Variants in KLHL29 observed in about 807,000 individuals in gnomAD.
KLHL29 encodes kelch-like protein 29.
In KLHL29, 21 loss-of-function variants were observed where a neutral mutation model predicts 80.4. The ratio of observed to expected loss-of-function variants is 0.26; its 90% confidence interval spans 0.19 to 0.38. The LOEUF is 0.38. KLHL29 is among the 10% of genes least tolerant of loss of function. KLHL29 has a pLI of 1.00. For missense variants in KLHL29, 867 were observed against 1,223.9 expected, an observed-to-expected ratio of 0.71 and a Z score of 4.35; for synonymous variants, 511 against 526.8, an observed-to-expected ratio of 0.97 and a Z score of 0.41.
chr2:23,413,850 C>A (rs2577741), intron 1 of KLHL29, among the ~76,000 whole-genome samples: 1 of 152,162 alleles, frequency 6.6e-6, no homozygotes, highest in Non-Finnish European at 1.5e-5. Flanking sequence ...CCCACGGGTG[C>A]GGTGGGAGGC....
chr2:23,597,383 GTATATA>G (rs1558402790), intron 3 of KLHL29, among the ~76,000 whole-genome samples: 267 of 23,560 alleles, frequency 0.011, 4 homozygotes, highest in Middle Eastern at 0.05. Context: ...GTGTGTGTGT[GTATATA>G]TATATATATA....
Position 23,460,696 on chromosome 2 carries a change from C to T in KLHL29, c.-153-14864C>T, listed in dbSNP as rs188600468. ...AGGCATGGAGCCGTGAAGGGAGCAT[C>T]GTGCAAACTCAGGAGCTTCCCGTGA... On this transcript the variant is annotated intron_variant, in intron 1 of 13. Coordinates refer to ENST00000486442, the MANE Select transcript of KLHL29 (RefSeq NM_052920.2). 2.7e-4 allele frequency among the ~76,000 whole-genome samples: 41 copies of T among 151,836 alleles called. 1 individual carries two copies. The highest frequency in any genetic ancestry group is 7.9e-4 in the Admixed American group (12 of 15,258).
intron 5 of KLHL29, among the ~76,000 whole-genome samples, chr2:23,665,397 C>A (rs1558430589): frequency 6.6e-6 from 1 of 152,192 alleles, no homozygotes; most frequent in Admixed American, 6.5e-5. Flanking sequence ...CAATGGGACA[C>A]TAGTCATTCA....
chr2:23,532,288 T>G (rs1666513771), intron 2 of KLHL29, among the ~76,000 whole-genome samples: 1 of 152,204 alleles, frequency 6.6e-6, no homozygotes, highest in African/African-American at 2.4e-5. Context: ...AAAACAAATT[T>G]AAAACTCTAT....
chr2:23,578,651 C>T (rs1667900782), intron 3 of KLHL29, among the ~76,000 whole-genome samples: 2 of 152,184 alleles, frequency 1.3e-5, no homozygotes, highest in Non-Finnish European at 2.9e-5. Flanking sequence ...TGGCACCTCC[C>T]GCTTGCCTGT....
intron 1 of KLHL29, among the ~76,000 whole-genome samples, chr2:23,426,097 T>C (rs561167827): frequency 6.6e-6 from 1 of 152,054 alleles, no homozygotes; most frequent in African/African-American, 2.4e-5. Flanking sequence ...GGCCTCAGGG[T>C]CATGGGAAAG....
intron 1 of KLHL29, among the ~76,000 whole-genome samples, chr2:23,388,886 C>T (rs1199723558): frequency 2.0e-5 from 3 of 151,160 alleles, no homozygotes; most frequent in Non-Finnish European, 4.4e-5. Context: ...AAAGCTTTCT[C>T]ACTTTTTGGC....
At chr2:23,414,419 G>A (rs1037988009) in intron 1 of KLHL29, among the ~76,000 whole-genome samples, 17 of 152,216 alleles carry the variant, frequency 1.1e-4, no homozygotes, top group Admixed American at 9.2e-4. Context: ...AAAGGAAATT[G>A]TTAAAAGCAA....
At chr2:23,434,953 G>A (rs951075309) in intron 1 of KLHL29, among the ~76,000 whole-genome samples, 3 of 152,202 alleles carry the variant, frequency 2.0e-5, no homozygotes, top group Admixed American at 6.5e-5. Flanking sequence ...GGGAAGAAGG[G>A]TTGGGCTGAG....
chr2:23,433,515 G>C (rs1469856379), intron 1 of KLHL29, among the ~76,000 whole-genome samples: 1 of 121,426 alleles, frequency 8.2e-6, no homozygotes, highest in Non-Finnish European at 1.7e-5. Context: ...ATTGGTCTGG[G>C]GACAAAGTAC....
At chr2:23,420,981 C>T (rs143145958) in intron 1 of KLHL29, among the ~76,000 whole-genome samples, 265 of 152,296 alleles carry the variant, frequency 1.7e-3, no homozygotes, top group Middle Eastern at 0.01. Context: ...CCTGGCCAGG[C>T]GCCAGGCCAG....
intron 1 of KLHL29, among the ~76,000 whole-genome samples, chr2:23,474,717 C>G (rs1031990424): frequency 6.6e-6 from 1 of 152,122 alleles, no homozygotes; most frequent in East Asian, 1.9e-4. Context: ...AATGAGTTTA[C>G]AATAACTTAT....
intron 3 of KLHL29, among the ~76,000 whole-genome samples, chr2:23,575,017 G>T (rs1416576746): frequency 2.0e-5 from 3 of 152,120 alleles, no homozygotes; most frequent in African/African-American, 4.8e-5. Flanking sequence ...CACGGCTGAG[G>T]ACCCCCATCA....
chr2:23,629,413 G>A (rs1669412978), intron 3 of KLHL29, among the ~76,000 whole-genome samples: 1 of 151,504 alleles, frequency 6.6e-6, no homozygotes, highest in Admixed American at 6.6e-5. Flanking sequence ...AAGCCCCTTT[G>A]AAAATTTTGT....
chr2:23,399,297 G>A (rs1396467907), intron 1 of KLHL29, among the ~76,000 whole-genome samples: 1 of 152,152 alleles, frequency 6.6e-6, no homozygotes, highest in Non-Finnish European at 1.5e-5. Flanking sequence ...TTAAATTTAT[G>A]ATTATGAAAT....
chr2:23,535,674 T>C (rs1277297696), intron 2 of KLHL29, among the ~76,000 whole-genome samples: 1 of 152,186 alleles, frequency 6.6e-6, no homozygotes, highest in Non-Finnish European at 1.5e-5. Context: ...ATAAATATGG[T>C]ATGAGTCCAC....
chr2:23,452,083 C>T (rs1663895875), intron 1 of KLHL29, among the ~76,000 whole-genome samples: 1 of 152,032 alleles, frequency 6.6e-6, no homozygotes, highest in Non-Finnish European at 1.5e-5. Context: ...GCGATCACAT[C>T]TCATTCAAGC....
chr2:23,441,257 C>T (rs1663511082), intron 1 of KLHL29, among the ~76,000 whole-genome samples: 2 of 143,502 alleles, frequency 1.4e-5, no homozygotes, highest in Admixed American at 1.5e-4. Flanking sequence ...CATGTTCTCA[C>T]TCATAGGTGG....
chr2:23,652,797 G>A (rs1199247036), intron 5 of KLHL29, among the ~76,000 whole-genome samples: 2 of 152,154 alleles, frequency 1.3e-5, no homozygotes, highest in African/African-American at 4.8e-5. Flanking sequence ...AGAAAAAATT[G>A]TCTCCAGAGT....
Sources: allele counts gnomAD v4.1 joint callset (sites outside exome capture counted in the v4.1 genomes callset), GRCh38; gene constraint gnomAD v4.1.1; transcripts MANE v1.5; gene names NCBI Gene and HGNC (gene_info 2026-07-23, HGNC 2026-07-21).